Variants in GRID2 observed in about 807,000 individuals in gnomAD.
GRID2 encodes glutamate ionotropic receptor delta type subunit 2, also known as glutamate receptor ionotropic, delta-2.
In GRID2, 33 loss-of-function variants were observed where a neutral mutation model predicts 114.8. The ratio of observed to expected loss-of-function variants is 0.29; its 90% CI spans 0.22 to 0.38. The LOEUF (loss-of-function observed/expected upper bound fraction) is 0.38, where lower values mean the gene tolerates loss of function less well. Ranked by LOEUF, GRID2 falls within the 10% of genes least tolerant of loss-of-function variation. The pLI is 1.00. For synonymous variants in GRID2, 505 were observed against 449.9 expected (o/e 1.12, Z -1.55); for missense variants, 1,184 against 1,257.7 (o/e 0.94, Z 0.89).
chr4:93,630,183 A>G (rs1158383394), intron 14 of GRID2, among the ~76,000 whole-genome samples: 1 of 152,170 alleles, frequency 6.6e-6, no homozygotes, highest in Admixed American at 6.5e-5. Context: ...AGCAGAAGTT[A>G]AAGTCAGTCT....
intron 13 of GRID2, among the ~76,000 whole-genome samples, chr4:93,527,912 T>G (rs776829626): frequency 6.6e-6 from 1 of 152,076 alleles, no homozygotes; most frequent in Non-Finnish European, 1.5e-5. Context: ...ATTATGTCTC[T>G]ACGAATTTGA....
At chr4:92,639,019 TC>T (rs1450991875) in intron 2 of GRID2, among the ~76,000 whole-genome samples, 7 of 151,314 alleles carry the variant, frequency 4.6e-5, no homozygotes, top group African/African-American at 1.2e-4. Context: ...TATTTCACTT[TC>T]CATGCTTCAG....
At chr4:93,230,982 C>T (rs1746062089) in intron 7 of GRID2, among the ~76,000 whole-genome samples, 1 of 152,012 alleles carries the variant, frequency 6.6e-6, no homozygotes, top group African/African-American at 2.4e-5. Context: ...AGCAAGCTTT[C>T]AAACTTTTTA....
intron 1 of GRID2, among the ~76,000 whole-genome samples, chr4:92,317,115 G>A (rs1262790938): frequency 6.6e-6 from 1 of 152,000 alleles, no homozygotes; most frequent in Non-Finnish European, 1.5e-5. Context: ...GATTTCTTGG[G>A]TATAGAAAAA....
intron 1 of GRID2, among the ~76,000 whole-genome samples, chr4:92,384,533 ATAATATAATATATAATAT>A (rs1336107079): frequency 6.3e-5 from 3 of 47,438 alleles, no homozygotes; most frequent in African/African-American, 2.3e-4. Context: ...AATATAATAT[ATAATATAATATATAATAT>A]ATATTATATA....
rs1476737329 is a variant in GRID2, at chr4:93,490,625, G to A, written c.1859-14G>A. Reference sequence around the variant, plus strand: ...TAGTTGATGTTCTTTTTATCTCTTTGCTTCTTTCTACAGGCGGGGAAGTCC... The same window carrying A: ...TAGTTGATGTTCTTTTTATCTCTTTACTTCTTTCTACAGGCGGGGAAGTCC... On this transcript the variant is annotated splice_polypyrimidine_tract_variant and intron_variant, in intron 11 of 15. Transcript: ENST00000282020. 1.9e-6 allele frequency: 3 copies of A among 1,599,336 alleles called. No individual in the cohort carries two copies. Among genetic ancestry groups the A allele is most frequent in the African/African-American group, 1.3e-5 (1 of 74,370 alleles).
intron 4 of GRID2, among the ~76,000 whole-genome samples, chr4:93,148,173 A>C (rs577985102): frequency 1.3e-5 from 2 of 152,344 alleles, no homozygotes; most frequent in East Asian, 3.9e-4. Context: ...CTAATGCTTA[A>C]ATGACACTGA....
At chr4:92,812,258 T>C (rs1054811094) in intron 2 of GRID2, among the ~76,000 whole-genome samples, 1 of 152,090 alleles carries the variant, frequency 6.6e-6, no homozygotes, top group Non-Finnish European at 1.5e-5. Flanking sequence ...GTTTAGACAT[T>C]TAAAAATAAA....
chr4:93,792,293 A>T (rs1578797649), intron 1 of GRID2, among the ~76,000 whole-genome samples: 1 of 152,106 alleles, frequency 6.6e-6, no homozygotes, highest in Admixed American at 6.5e-5. Context: ...GCCTGTTCCT[A>T]CTGAAAGTGG....
At chr4:92,727,543 GTTATATAC>G (rs1433708795) in intron 2 of GRID2, among the ~76,000 whole-genome samples, 1 of 151,864 alleles carries the variant, frequency 6.6e-6, no homozygotes, top group Non-Finnish European at 1.5e-5. Context: ...GTAAGTATGT[GTTATATAC>G]TTATATGCAC....
At chr4:92,771,222 G>T (rs1738527932) in intron 2 of GRID2, among the ~76,000 whole-genome samples, 1 of 152,138 alleles carries the variant, frequency 6.6e-6, no homozygotes, top group Admixed American at 6.5e-5. Flanking sequence ...CCAAAATATT[G>T]CAGTCGTTAG....
intron 1 of GRID2, among the ~76,000 whole-genome samples, chr4:92,402,216 G>A (rs997925420): frequency 9.2e-5 from 14 of 151,992 alleles, no homozygotes; most frequent in African/African-American, 2.4e-4. Flanking sequence ...TTCCTTCACC[G>A]AATTCTTGAA....
chr4:93,648,165 GGGGATTGTAT>G (rs1385920670), intron 14 of GRID2, among the ~76,000 whole-genome samples: 1 of 152,136 alleles, frequency 6.6e-6, no homozygotes, highest in Admixed American at 6.6e-5. Flanking sequence ...ACATGAGAAG[GGGGATTGTAT>G]GGGAAGGAAG....
chr4:92,913,193 G>C (rs1190876125), intron 2 of GRID2, among the ~76,000 whole-genome samples: 1 of 151,768 alleles, frequency 6.6e-6, no homozygotes, highest in Non-Finnish European at 1.5e-5. Flanking sequence ...TAAAAGTTTT[G>C]TGAATATCAA....
At chr4:93,131,583 A>T (rs1734806347) in intron 4 of GRID2, among the ~76,000 whole-genome samples, 1 of 120,648 alleles carries the variant, frequency 8.3e-6, no homozygotes, top group Non-Finnish European at 1.6e-5. Flanking sequence ...TGAAATTTTT[A>T]AAAATTAAAA....
chr4:93,534,370 C>G (rs1314416736), intron 13 of GRID2, among the ~76,000 whole-genome samples: 2 of 152,138 alleles, frequency 1.3e-5, no homozygotes, highest in South Asian at 4.2e-4. Context: ...TTGCTACAGT[C>G]AAGAAATTAA....
intron 1 of GRID2, among the ~76,000 whole-genome samples, chr4:92,548,101 A>G (rs1169861593): frequency 1.3e-5 from 2 of 152,190 alleles, no homozygotes; most frequent in African/African-American, 2.4e-5. Flanking sequence ...GAATAATATA[A>G]TACTCTGAAG....
At chr4:93,029,663 A>AT (rs1247432422) in intron 2 of GRID2, among the ~76,000 whole-genome samples, 1 of 152,208 alleles carries the variant, frequency 6.6e-6, no homozygotes, top group Non-Finnish European at 1.5e-5. Flanking sequence ...AAAAACTGCT[A>AT]TTATTAGAGT....
chr4:93,535,483 A>G (rs1731964698), intron 13 of GRID2, among the ~76,000 whole-genome samples: 1 of 152,070 alleles, frequency 6.6e-6, no homozygotes. Context: ...ACTTTTTCCC[A>G]TAATGGCTGT....
Sources: allele counts gnomAD v4.1 joint callset (sites outside exome capture counted in the v4.1 genomes callset), GRCh38; gene constraint gnomAD v4.1.1; transcripts MANE v1.5; gene names NCBI Gene and HGNC (gene_info 2026-07-23, HGNC 2026-07-21).